Variants in RPS24 observed in about 807,000 individuals in gnomAD.
RPS24 encodes the protein small ribosomal subunit protein eS24.
For synonymous variants in RPS24, 72 were observed against 55.6 expected, an observed-to-expected ratio of 1.30 and a Z score of -1.31; for missense variants, 100 against 162.5, an observed-to-expected ratio of 0.62 and a Z score of 2.09.
chr10:78,044,741 G>A (rs999943593), downstream of RPS24, among the ~76,000 whole-genome samples: 5 of 150,500 alleles, frequency 3.3e-5, no homozygotes, highest in African/African-American at 1.2e-4. Context: ...AACGAAGCTG[G>A]AGAGGTCAGC....
intron 4 of RPS24, among the ~76,000 whole-genome samples, chr10:78,049,763 A>C (rs1267632487): frequency 1.3e-5 from 2 of 152,192 alleles, no homozygotes; most frequent in African/African-American, 4.8e-5. Context: ...GTGGGAGGCC[A>C]CCCACTCTCC....
At chr10:78,047,613 T>C (rs1232787853) in intron 4 of RPS24, among the ~76,000 whole-genome samples, 1 of 152,172 alleles carries the variant, frequency 6.6e-6, no homozygotes, top group Non-Finnish European at 1.5e-5. Flanking sequence ...GGTAATCTTG[T>C]TTATAGGATT....
chr10:78,041,919 C>A (rs1266118247), downstream of RPS24, among the ~76,000 whole-genome samples: 2 of 152,228 alleles, frequency 1.3e-5, no homozygotes, highest in Non-Finnish European at 2.9e-5. Flanking sequence ...CTTTTCTGTT[C>A]AGCTGTGCTC....
chr10:78,054,155 G>A (rs1388064800), intron 4 of RPS24, among the ~76,000 whole-genome samples: 2 of 152,224 alleles, frequency 1.3e-5, no homozygotes, highest in East Asian at 1.9e-4. Context: ...GTCTGGGCAG[G>A]CAGAGGAGGG....
chr10:78,055,128 T>A, exon 5 of RPS24: 1 of 1,415,176 alleles, frequency 7.1e-7, no homozygotes, highest in Middle Eastern at 2.6e-4. Flanking sequence ...CTGGCACCTC[T>A]GTTCAGAACC....
chr10:78,038,130 C>A (rs998804922), intron 4 of RPS24: 10 of 355,584 alleles, frequency 2.8e-5, no homozygotes, highest in Non-Finnish European at 4.7e-5. Context: ...AAAGTAATTG[C>A]AGTGGCAAAA....
rs768010836 is a variant in RPS24 at position 78,033,912 on chromosome 10, T to C, written c.3+8T>C. ...AGATAGATCGCCATCATGGTGAGTC[T>C]CCCTGGGCCCGTGCAGTCATCTGCC... On this transcript the variant is annotated splice_region_variant and intron_variant, in intron 1 of 5. Transcript: ENST00000372360. The C allele has an allele frequency of 6.2e-7, 1 of 1,614,036 alleles. No homozygotes were observed. The highest frequency in any genetic ancestry group is 8.5e-7 in the Non-Finnish European group (1 of 1,179,934).
In RPS24 at chr10:78,055,188, C is replaced by T. The variant is rs560812258; in HGVS notation, c.*178C>T. ...CCCAAATGCCAAAGACCTCCCCACG[C>T]CCCCACAATCCCCCACGACCTGGCC... On this transcript the variant is annotated 3_prime_UTR_variant, in exon 5 of 5. Transcript: ENST00000440692. 6.6e-5 allele frequency: 66 copies of T among 1,006,406 alleles called. No homozygotes were observed. The South Asian group carries it at 2.7e-3, about 40-fold the overall frequency. The allele number at this position is 1,006,406 out of a possible 1,614,324, so 62.3% of individuals were successfully genotyped here.
chr10:78,041,117 G>A (rs1208195649), downstream of RPS24, among the ~76,000 whole-genome samples: 1 of 152,052 alleles, frequency 6.6e-6, no homozygotes, highest in Non-Finnish European at 1.5e-5. Context: ...TGGCATGAGC[G>A]ACCACGTCTG....
exon 5 of RPS24, chr10:78,055,065 T>C: frequency 6.9e-7 from 1 of 1,453,754 alleles, no homozygotes. Flanking sequence ...TCTCTCCACC[T>C]TCTTCTCCAC....
At chr10:78,040,726 AG>A, downstream of RPS24, 1 of 1,563,656 alleles carries the variant, frequency 6.4e-7, no homozygotes, top group Admixed American at 1.7e-5. Flanking sequence ...ATGTATTTGC[AG>A]TTTCCTGGGA....
chr10:78,037,379 T>G (rs532296615), intron 4 of RPS24, 75 bp downstream of exon 4: 16 of 1,511,646 alleles, frequency 1.1e-5, no homozygotes, highest in Middle Eastern at 1.8e-4. Flanking sequence ...AGGGATCTTA[T>G]TAATTTTTAA....
intron 4 of RPS24, among the ~76,000 whole-genome samples, chr10:78,052,005 T>A (rs1469197070): frequency 6.6e-6 from 1 of 151,088 alleles, no homozygotes; most frequent in Non-Finnish European, 1.5e-5. Flanking sequence ...TTCTGTGGAT[T>A]GTCCATTTTT....
chr10:78,042,812 GT>G (rs1394259889), downstream of RPS24, among the ~76,000 whole-genome samples: 4 of 152,092 alleles, frequency 2.6e-5, no homozygotes, highest in Non-Finnish European at 5.9e-5. Flanking sequence ...ACAACCATGA[GT>G]TCTGTTTGTA....
intron 4 of RPS24, among the ~76,000 whole-genome samples, chr10:78,053,019 G>A (rs910788937): frequency 6.6e-5 from 10 of 152,058 alleles, no homozygotes; most frequent in Non-Finnish European, 1.3e-4. Flanking sequence ...AGATGTGGTG[G>A]AGGGCGCCTT....
exon 5 of RPS24, chr10:78,055,819 C>G (rs1564633881): frequency 6.6e-6 from 1 of 152,330 alleles, no homozygotes; most frequent in Non-Finnish European, 1.5e-5. Flanking sequence ...GTGGTACCAT[C>G]TTGGCTCACT....
chr10:78,046,672 G>C (rs1272586942), intron 4 of RPS24, among the ~76,000 whole-genome samples: 2 of 152,096 alleles, frequency 1.3e-5, no homozygotes, highest in Non-Finnish European at 2.9e-5. Context: ...CCTGCACTCG[G>C]AGGGAAGTAC....
chr10:78,040,604 T>C lies in RPS24; in HGVS notation c.*20-11T>C. ...CAGTTGTTGACTAAACTTCTTTCTC[T>C]TGATTCACAGCCGAAGGAGTAAAGG... On this transcript the variant is annotated splice_polypyrimidine_tract_variant and intron_variant, in intron 5 of 5. Coordinates refer to ENST00000372360, the MANE Select transcript of RPS24 (RefSeq NM_033022.4). 6.2e-7 allele frequency: 1 copy of C among 1,610,932 alleles called. No individual in the cohort carries two copies. The highest frequency in any genetic ancestry group is 8.5e-7 in the Non-Finnish European group (1 of 1,177,026).
chr10:78,037,930 T>C (rs1239424627), intron 4 of RPS24: 3 of 1,123,804 alleles, frequency 2.7e-6, no homozygotes, highest in Non-Finnish European at 3.5e-6. Flanking sequence ...TTTTTTGCTT[T>C]TCCTCTCTAC....
Sources: allele counts gnomAD v4.1 joint callset (sites outside exome capture counted in the v4.1 genomes callset), GRCh38; gene constraint gnomAD v4.1.1; transcripts MANE v1.5; gene names NCBI Gene and HGNC (gene_info 2026-07-23, HGNC 2026-07-21).